The following CFAP47 variants were observed in gnomAD, a reference collection of about 807,000 sequenced individuals.
CFAP47 encodes cilia- and flagella-associated protein 47.
Under a neutral mutation model 148.1 loss-of-function variants are expected in CFAP47, and 29 were observed. The observed-to-expected ratio is 0.20, with a 90% CI of 0.15 to 0.27. CFAP47 has a LOEUF of 0.27. Among genes scored for constraint, CFAP47 ranks in the 10% least tolerant of loss-of-function variants. The pLI is 1.00. For missense variants in CFAP47, 1,872 were observed against 1,697.5 expected, an observed-to-expected ratio of 1.10 and a Z score of -1.81; for synonymous variants, 664 against 577.3, an observed-to-expected ratio of 1.15 and a Z score of -2.15.
chrX:35,924,136 T>C (rs1935657755), intron 1 of CFAP47, among the ~76,000 whole-genome samples: 2 of 99,787 alleles, frequency 2.0e-5, no homozygotes, highest in Admixed American at 2.2e-4. Flanking sequence ...TATATGTATA[T>C]GTGTACATGT....
At chrX:36,002,804 A>C in intron 21 of CFAP47, among the ~76,000 whole-genome samples, 1 of 111,562 alleles carries the variant, frequency 9.0e-6, no homozygotes, top group East Asian at 2.8e-4. Flanking sequence ...AATGCTACTA[A>C]ATGCTATCTT....
chrX:36,312,017 A>G (rs782630857), intron 56 of CFAP47, among the ~76,000 whole-genome samples: 122 of 111,057 alleles, frequency 1.1e-3, no homozygotes, highest in Non-Finnish European at 2.1e-3. Context: ...GTGTTTAATA[A>G]ATGTTGATTG....
intron 62 of CFAP47, among the ~76,000 whole-genome samples, chrX:36,370,413 C>A (rs1426949938): frequency 1.8e-5 from 2 of 110,257 alleles, no homozygotes; most frequent in Admixed American, 9.8e-5. Context: ...CATGTCCCTG[C>A]AAAGGACATG....
intron 37 of CFAP47, among the ~76,000 whole-genome samples, chrX:36,158,152 G>C (rs1939390783): frequency 8.9e-6 from 1 of 111,963 alleles, no homozygotes; most frequent in Admixed American, 9.5e-5. Context: ...GGCGCAATTA[G>C]GTCAAGGTTT....
chrX:36,259,216 A>T (rs1302413143), intron 49 of CFAP47, among the ~76,000 whole-genome samples: 1 of 111,683 alleles, frequency 9.0e-6, no homozygotes, highest in African/African-American at 3.3e-5. Flanking sequence ...CATAATTTGC[A>T]CAAAATCGCT....
intron 57 of CFAP47, among the ~76,000 whole-genome samples, chrX:36,327,906 T>C (rs782430912): frequency 1.1e-4 from 12 of 111,069 alleles, no homozygotes; most frequent in African/African-American, 3.9e-4. Flanking sequence ...GAGAGAAACA[T>C]TGAGTACACA....
At position 36,099,805 on chromosome X, in the gene CFAP47, A is replaced by G; in HGVS notation, c.5053A>G (p.Ile1685Val). 1.1e-6 allele frequency: 1 copy of G among 894,603 alleles called. No individual in the cohort carries two copies. Among genetic ancestry groups the G allele is most frequent in the Non-Finnish European group, 1.6e-6 (1 of 607,747 alleles). 73.7% of individuals were successfully genotyped at this position (894,603 alleles called of 1,213,427 possible). A position where few individuals can be genotyped will look rare whatever the true frequency, so the allele number is the denominator to read the frequency against. ...SSCTPKKKCS[I>V]VIEMSKFEAW... Reference sequence around the variant, plus strand: ...CTGTACACCTAAGAAAAAATGTTCTATTGTTATAGAAATGTCTAAATTTGA... The same window carrying G: ...CTGTACACCTAAGAAAAAATGTTCTGTTGTTATAGAAATGTCTAAATTTGA... The change falls in exon 32 of 64, where the codon ATT becomes GTT. Residue 1685 changes from isoleucine to valine, a missense_variant. Physicochemically the swap from Ile to Val is conservative, Grantham distance 29 (BLOSUM62 3). Transcript: ENST00000378653.
At chrX:35,989,578 T>C in intron 16 of CFAP47, 129 bp downstream of exon 16, 1 of 1,165,483 alleles carries the variant, frequency 8.6e-7, no homozygotes, top group Middle Eastern at 3.4e-4. Flanking sequence ...ACAGTACTAG[T>C]TTTTTTGTTA....
chrX:36,029,320 A>T (rs1369574354), intron 22 of CFAP47, among the ~76,000 whole-genome samples: 2 of 110,937 alleles, frequency 1.8e-5, no homozygotes, highest in Admixed American at 1.9e-4. Flanking sequence ...TTTTTTAAAC[A>T]CTTTCTGAGA....
intron 51 of CFAP47, among the ~76,000 whole-genome samples, chrX:36,294,476 C>T (rs1480356850): frequency 1.8e-5 from 2 of 111,078 alleles, no homozygotes; most frequent in East Asian, 2.8e-4. Flanking sequence ...TTTGGGAGAC[C>T]GAGGCAGGCC....
rs746906256 is a variant in CFAP47 at position 36,179,380 on chromosome X, C to T, written c.6062C>T (p.Ser2021Leu). 5.1e-5 allele frequency: 15 copies of T among 295,496 alleles called. No homozygotes were observed. Among genetic ancestry groups the T allele is most frequent in the African/African-American group, 8.2e-5 (3 of 36,531 alleles). The allele number at this position is 295,496 out of a possible 1,213,427, so 24.4% of individuals were successfully genotyped here. ...ILVESSTFVS[S>L]PTKLTESRQY... ...GTGGAATCCTCAACATTTGTCTCTT[C>T]GCCAACGAAGTTAACTGAATCCAGG... Residue 2021 changes from serine (S) to leucine (L), a missense_variant, in exon 40 of 64, where the codon TCG becomes TTG. Transcript: ENST00000378653.
At chrX:36,053,570 T>A (rs1300291714) in intron 26 of CFAP47, among the ~76,000 whole-genome samples, 1 of 111,670 alleles carries the variant, frequency 9.0e-6, no homozygotes, top group East Asian at 2.8e-4. Context: ...TGTTCTGATA[T>A]AATCATCTGC....
At chrX:36,128,157 T>C (rs758730579) in intron 33 of CFAP47, among the ~76,000 whole-genome samples, 1 of 111,309 alleles carries the variant, frequency 9.0e-6, no homozygotes, top group South Asian at 3.8e-4. Flanking sequence ...AGAGAGGGCA[T>C]AATAATTTTA....
intron 35 of CFAP47, 157 bp from the exon 36 acceptor site, chrX:36,145,062 T>TAC (rs1939211000): frequency 3.3e-6 from 1 of 302,399 alleles, no homozygotes; most frequent in Non-Finnish European, 5.4e-6. Flanking sequence ...AATTCCCGTT[T>TAC]ATATATATAT....
chrX:36,138,101 A>T (rs762098104), intron 34 of CFAP47, 46 bp downstream of exon 34: 2 of 616,022 alleles, frequency 3.2e-6, no homozygotes, highest in South Asian at 2.9e-5. Context: ...ATTTAAAAAA[A>T]CTTAGTGATT....
At chrX:36,118,634 C>T (rs1313816641) in intron 33 of CFAP47, among the ~76,000 whole-genome samples, 19 of 109,915 alleles carry the variant, frequency 1.7e-4, no homozygotes, top group African/African-American at 3.3e-4. Flanking sequence ...CCACCATGCC[C>T]GGCTAATTTT....
intron 30 of CFAP47, among the ~76,000 whole-genome samples, chrX:36,097,969 C>CTCTA (rs928987640): frequency 2.7e-5 from 3 of 111,521 alleles, no homozygotes; most frequent in African/African-American, 9.8e-5. Flanking sequence ...TGGGGCCATC[C>CTCTA]TCTAGATCAT....
intron 22 of CFAP47, among the ~76,000 whole-genome samples, chrX:36,018,774 A>G (rs1367375800): frequency 9.2e-6 from 1 of 108,960 alleles, no homozygotes; most frequent in Admixed American, 9.8e-5. Flanking sequence ...TTGCATCAAT[A>G]TTCATCAGCG....
intron 3 of CFAP47, among the ~76,000 whole-genome samples, chrX:35,946,293 G>A (rs1027720821): frequency 8.9e-6 from 1 of 111,750 alleles, no homozygotes; most frequent in Non-Finnish European, 1.9e-5. Flanking sequence ...TAGTAATGTT[G>A]ACATACCTGC....
Sources: allele counts gnomAD v4.1 joint callset (sites outside exome capture counted in the v4.1 genomes callset), GRCh38; gene constraint gnomAD v4.1.1; transcripts MANE v1.5; gene names NCBI Gene and HGNC (gene_info 2026-07-23, HGNC 2026-07-21).